Variants in ZNF385D observed in about 807,000 individuals in gnomAD.
ZNF385D encodes zinc finger protein 659.
Under a neutral mutation model 35.8 loss-of-function variants are expected in ZNF385D, and 15 were observed. The ratio of observed to expected loss-of-function variants is 0.42; its 90% CI spans 0.28 to 0.64. ZNF385D has a LOEUF of 0.64. Ranked by LOEUF, ZNF385D falls within the 30% of genes least tolerant of loss-of-function variation. The pLI is 0.23. For missense variants in ZNF385D, 474 were observed against 494.6 expected, an observed-to-expected ratio of 0.96 and a Z score of 0.39; for synonymous variants, 212 against 186.8, an observed-to-expected ratio of 1.13 and a Z score of -1.10.
chr3:22,273,066 GAGAA>G (rs1338713989), intron 2 of ZNF385D, among the ~76,000 whole-genome samples: 1 of 151,592 alleles, frequency 6.6e-6, no homozygotes, highest in African/African-American at 2.4e-5. Flanking sequence ...CAAGGAAAGA[GAGAA>G]AGAGAGAAAA....
At chr3:21,763,821 C>T (rs2070719859) in intron 3 of ZNF385D, among the ~76,000 whole-genome samples, 1 of 152,210 alleles carries the variant, frequency 6.6e-6, no homozygotes, top group Non-Finnish European at 1.5e-5. Flanking sequence ...TTGCCACCTG[C>T]TTTCAAGTCC....
At chr3:22,268,843 C>T (rs1182214368) in intron 2 of ZNF385D, among the ~76,000 whole-genome samples, 1 of 151,904 alleles carries the variant, frequency 6.6e-6, no homozygotes, top group South Asian at 2.1e-4. Context: ...CATGTAGTTA[C>T]TCTACCCAAT....
At chr3:21,731,091 T>A (rs1355383795) in intron 1 of ZNF385D, among the ~76,000 whole-genome samples, 1 of 152,190 alleles carries the variant, frequency 6.6e-6, no homozygotes, top group Non-Finnish European at 1.5e-5. Flanking sequence ...TATATGCATA[T>A]TTAAATATGA....
chr3:21,569,508 CTT>C (rs1285624096), intron 2 of ZNF385D, among the ~76,000 whole-genome samples: 2 of 150,902 alleles, frequency 1.3e-5, no homozygotes, highest in East Asian at 1.9e-4. Flanking sequence ...GGTCTTGACT[CTT>C]TATCCAATTT....
At chr3:21,846,594 T>C (rs145622791) in intron 3 of ZNF385D, among the ~76,000 whole-genome samples, 10 of 152,080 alleles carry the variant, frequency 6.6e-5, no homozygotes, top group Admixed American at 2.0e-4. Flanking sequence ...CTATGACATG[T>C]TGCTGAAAAG....
At chr3:21,884,832 T>A (rs1241088310) in intron 3 of ZNF385D, among the ~76,000 whole-genome samples, 1 of 152,080 alleles carries the variant, frequency 6.6e-6, no homozygotes, top group East Asian at 1.9e-4. Flanking sequence ...ACATTTTAAA[T>A]AAAGGTTGAT....
At chr3:21,930,434 T>A (rs1424481466) in intron 3 of ZNF385D, among the ~76,000 whole-genome samples, 1 of 152,076 alleles carries the variant, frequency 6.6e-6, no homozygotes, top group Non-Finnish European at 1.5e-5. Context: ...AAGAAATAGA[T>A]ACTCTGGACT....
intron 2 of ZNF385D, among the ~76,000 whole-genome samples, chr3:21,570,069 TAAA>T (rs976995831): frequency 2.0e-5 from 3 of 149,990 alleles, no homozygotes; most frequent in African/African-American, 4.9e-5. Flanking sequence ...ATAATAATAA[TAAA>T]AAAAATTACA....
chr3:22,316,254 A>G (rs1703878924), intron 2 of ZNF385D, among the ~76,000 whole-genome samples: 1 of 152,166 alleles, frequency 6.6e-6, no homozygotes, highest in Non-Finnish European at 1.5e-5. Context: ...CCCAGCCTTT[A>G]GTTCTCAGGG....
chr3:22,274,516 A>AT (rs1377812605), intron 2 of ZNF385D, among the ~76,000 whole-genome samples: 2 of 152,012 alleles, frequency 1.3e-5, no homozygotes, highest in African/African-American at 4.8e-5. Flanking sequence ...ATCACTTATG[A>AT]TTTTTAATGG....
chr3:22,035,496 C>A (rs1576197726), intron 3 of ZNF385D, among the ~76,000 whole-genome samples: 1 of 152,196 alleles, frequency 6.6e-6, no homozygotes, highest in South Asian at 2.1e-4. Flanking sequence ...TTCTGAAAAA[C>A]AACATTTTAA....
intron 3 of ZNF385D, among the ~76,000 whole-genome samples, chr3:21,800,274 C>CA (rs1268228053): frequency 3.3e-5 from 5 of 152,230 alleles, no homozygotes; most frequent in Admixed American, 2.0e-4. Flanking sequence ...TTCATTTACA[C>CA]AAAAAATGTT....
intron 3 of ZNF385D, among the ~76,000 whole-genome samples, chr3:21,794,235 A>G (rs927019011): frequency 5.3e-5 from 8 of 152,008 alleles, no homozygotes; most frequent in African/African-American, 1.9e-4. Context: ...AGTCATGAGA[A>G]TTAAAAGAGA....
intron 3 of ZNF385D, among the ~76,000 whole-genome samples, chr3:21,936,376 G>C (rs1459513338): frequency 1.4e-5 from 2 of 143,364 alleles, no homozygotes; most frequent in African/African-American, 5.0e-5. Context: ...GAGCATATTA[G>C]CTGAGATGTG....
intron 2 of ZNF385D, among the ~76,000 whole-genome samples, chr3:22,337,580 T>C (rs1354512675): frequency 1.3e-5 from 2 of 152,066 alleles, no homozygotes; most frequent in Non-Finnish European, 2.9e-5. Flanking sequence ...TTTGGTACAC[T>C]TGGTATTAGA....
chr3:22,121,200 C>T (rs575362527), intron 3 of ZNF385D, among the ~76,000 whole-genome samples: 10 of 152,242 alleles, frequency 6.6e-5, no homozygotes, highest in African/African-American at 2.4e-4. Context: ...TACTTCTAAA[C>T]ACTCACTGTC....
In ZNF385D at chr3:21,834,739, G is replaced by A. The variant is rs141942761; in HGVS notation, c.326-169711C>T. On this transcript the variant is annotated intron_variant, in intron 3 of 5. Coordinates refer to the ZNF385D transcript ENST00000494108. ...TCTCATCTTGGACTGTAATCCCCAC[G>A]TGTCGACAGTGGGATCTCGTGGGAG... is the stretch of plus-strand genomic sequence containing the variant. 3.1e-4 allele frequency among the ~76,000 whole-genome samples: 47 copies of A among 149,208 alleles called. No homozygotes were observed. In the East Asian group the frequency reaches 6.0e-3, roughly 19 times the overall value.
chr3:21,982,717 G>T (rs144434278), intron 3 of ZNF385D, among the ~76,000 whole-genome samples: 1 of 152,206 alleles, frequency 6.6e-6, no homozygotes, highest in East Asian at 1.9e-4. Flanking sequence ...ATTGACTGTG[G>T]ATTTGTCATA....
chr3:21,536,772 G>C (rs531526040), intron 3 of ZNF385D, among the ~76,000 whole-genome samples: 11 of 152,182 alleles, frequency 7.2e-5, no homozygotes, highest in African/African-American at 2.4e-4. Context: ...GGTAAGGAAA[G>C]TGGGGATGAT....
Sources: allele counts gnomAD v4.1 joint callset (sites outside exome capture counted in the v4.1 genomes callset), GRCh38; gene constraint gnomAD v4.1.1; transcripts MANE v1.5; gene names NCBI Gene and HGNC (gene_info 2026-07-23, HGNC 2026-07-21).